Variants in EFCAB11 observed in about 807,000 individuals in gnomAD.
EFCAB11 encodes EF-hand calcium-binding domain-containing protein 11.
A neutral mutation model predicts 23.0 loss-of-function variants in EFCAB11; 14 were observed. That is an observed-to-expected ratio of 0.61 (90% CI 0.40 to 0.95). The LOEUF (loss-of-function observed/expected upper bound fraction) is 0.95. EFCAB11 is among the 40% of genes least tolerant of loss of function. The pLI is 0.00. For synonymous variants in EFCAB11, 65 were observed against 66.6 expected, an observed-to-expected ratio of 0.98 and a Z score of 0.11; for missense variants, 198 against 195.8, an observed-to-expected ratio of 1.01 and a Z score of -0.07.
At chr14:89,922,524 TG>T (rs1890052269) in intron 5 of EFCAB11, among the ~76,000 whole-genome samples, 1 of 152,216 alleles carries the variant, frequency 6.6e-6, no homozygotes, top group Non-Finnish European at 1.5e-5. Context: ...GAGGCAGAGC[TG>T]GGCCTAGAAC....
intron 5 of EFCAB11, among the ~76,000 whole-genome samples, chr14:89,918,891 G>A (rs1449415630): frequency 6.6e-6 from 1 of 151,336 alleles, no homozygotes. Context: ...GAAGCCAGCT[G>A]AGTTACATTT....
intron 5 of EFCAB11, among the ~76,000 whole-genome samples, chr14:89,874,125 C>T (rs545479051): frequency 6.6e-6 from 1 of 152,360 alleles, no homozygotes; most frequent in South Asian, 2.1e-4. Context: ...GGTTCCCAAA[C>T]CTCAGTTCTT....
intron 5 of EFCAB11, among the ~76,000 whole-genome samples, chr14:89,910,490 C>T (rs1449904464): frequency 6.6e-6 from 1 of 152,012 alleles, no homozygotes; most frequent in Non-Finnish European, 1.5e-5. Context: ...CCTAGCTACT[C>T]GAGAGGTTGA....
chr14:89,907,580 T>G (rs999499921), intron 5 of EFCAB11, among the ~76,000 whole-genome samples: 1 of 152,172 alleles, frequency 6.6e-6, no homozygotes, highest in Admixed American at 6.5e-5. Flanking sequence ...CTATGAAAAT[T>G]TATATGCTGT....
chr14:89,799,047 C>G (rs1030147111), intron 5 of EFCAB11: 2 of 152,248 alleles, frequency 1.3e-5, no homozygotes, highest in African/African-American at 4.8e-5. Context: ...CCTCGGCCTC[C>G]CAAAGTGCTG....
intron 3 of EFCAB11, among the ~76,000 whole-genome samples, chr14:89,944,809 G>A (rs1408227717): frequency 1.3e-5 from 2 of 151,326 alleles, no homozygotes; most frequent in African/African-American, 4.8e-5. Context: ...TATTTTAAAT[G>A]TGATTCTAAA....
chr14:89,941,707 T>A (rs1314307092), intron 3 of EFCAB11, among the ~76,000 whole-genome samples: 1 of 150,968 alleles, frequency 6.6e-6, no homozygotes, highest in Non-Finnish European at 1.5e-5. Context: ...CATACCGCCA[T>A]GAATGGCCAG....
chr14:89,892,196 C>T, intron 5 of EFCAB11: 4 of 1,588,668 alleles, frequency 2.5e-6, no homozygotes, highest in Non-Finnish European at 1.7e-6. Flanking sequence ...GCAGAGCACC[C>T]GCTGTGTCTC....
intron 5 of EFCAB11, among the ~76,000 whole-genome samples, chr14:89,862,791 C>G (rs760516492): frequency 1.3e-5 from 2 of 152,176 alleles, no homozygotes; most frequent in Non-Finnish European, 2.9e-5. Context: ...TCTGAGAGCA[C>G]TTTAGTAGGT....
chr14:89,924,888 G>A (rs557675766), intron 5 of EFCAB11, among the ~76,000 whole-genome samples: 3 of 152,200 alleles, frequency 2.0e-5, no homozygotes, highest in Non-Finnish European at 2.9e-5. Flanking sequence ...ATGGACCAAC[G>A]ATTATTTATT....
chr14:89,949,138 CTGTT>C (rs1891074531), intron 3 of EFCAB11, among the ~76,000 whole-genome samples: 2 of 152,198 alleles, frequency 1.3e-5, no homozygotes, highest in African/African-American at 4.8e-5. Context: ...TGTAACTGGA[CTGTT>C]TGTAACACAA....
At chr14:89,873,090 G>A (rs1006007861) in intron 5 of EFCAB11, among the ~76,000 whole-genome samples, 3 of 152,184 alleles carry the variant, frequency 2.0e-5, no homozygotes, top group African/African-American at 7.2e-5. Context: ...ACATACCAGA[G>A]ACTGGGTACT....
intron 3 of EFCAB11, among the ~76,000 whole-genome samples, chr14:89,947,470 T>C (rs923509779): frequency 6.6e-6 from 1 of 152,188 alleles, no homozygotes; most frequent in Non-Finnish European, 1.5e-5. Context: ...TCTACTCACA[T>C]TGTCACACTT....
chr14:89,915,509 GTTCA>G (rs985088666), intron 5 of EFCAB11, among the ~76,000 whole-genome samples: 1 of 152,152 alleles, frequency 6.6e-6, no homozygotes, highest in Non-Finnish European at 1.5e-5. Context: ...AATCTGTTTG[GTTCA>G]TTAAGAGAGG....
intron 5 of EFCAB11, among the ~76,000 whole-genome samples, chr14:89,897,906 T>C (rs1889218610): frequency 6.6e-6 from 1 of 152,164 alleles, no homozygotes; most frequent in Admixed American, 6.5e-5. Flanking sequence ...GAAAACAGTA[T>C]ACATTATTTC....
intron 5 of EFCAB11, among the ~76,000 whole-genome samples, chr14:89,847,495 T>C (rs1193272045): frequency 1.3e-5 from 2 of 151,946 alleles, no homozygotes; most frequent in Admixed American, 1.3e-4. Flanking sequence ...ATCCCAGCAC[T>C]TTGGGAGGCA....
intron 5 of EFCAB11, among the ~76,000 whole-genome samples, chr14:89,802,520 T>C (rs28687135): frequency 0.028 from 4,236 of 152,166 alleles, 201 homozygotes; most frequent in African/African-American, 0.095. Context: ...GCCTCCCGAG[T>C]AGCTGGGATT....
At chr14:89,853,826 G>A (rs1371433705) in intron 5 of EFCAB11, among the ~76,000 whole-genome samples, 1 of 152,092 alleles carries the variant, frequency 6.6e-6, no homozygotes, top group African/African-American at 2.4e-5. Context: ...TGTTTACATA[G>A]GAATGATTTT....
chr14:89,888,724 C>T (rs371323149), intron 5 of EFCAB11, among the ~76,000 whole-genome samples: 2 of 152,118 alleles, frequency 1.3e-5, no homozygotes, highest in East Asian at 3.9e-4. Context: ...ATCTGTGAAC[C>T]AGAAAGTGGG....
Sources: gnomAD v4.1 joint callset for allele counts (sites outside exome capture counted in the v4.1 genomes callset) on GRCh38, gnomAD v4.1.1 for gene constraint, MANE v1.5 for transcripts, NCBI Gene and HGNC (gene_info 2026-07-23, HGNC 2026-07-21) for gene names.